The following FAM169A variants were observed in gnomAD, a reference collection of about 807,000 sequenced individuals.
The protein encoded by FAM169A is family with sequence similarity 169 member A, also known as soluble lamin-associated protein of 75 kDa.
FAM169A carries 24 observed loss-of-function variants against 75.7 expected under a neutral mutation model. That is an observed-to-expected ratio of 0.32 (90% CI 0.23 to 0.45). The LOEUF is 0.45. Among genes scored for constraint, FAM169A ranks in the 20% least tolerant of loss-of-function variants. The pLI is 1.00. For synonymous variants in FAM169A, 271 were observed against 271.0 expected (o/e 1.00, Z 0.00); for missense variants, 673 against 784.0 (o/e 0.86, Z 1.69).
chr5:74,833,815 G>C (rs922585178), intron 5 of FAM169A, among the ~76,000 whole-genome samples: 3 of 152,192 alleles, frequency 2.0e-5, no homozygotes, highest in African/African-American at 7.2e-5. Flanking sequence ...CTGCTCTAGG[G>C]AGCTGAATGA....
intron 1 of FAM169A, among the ~76,000 whole-genome samples, chr5:74,844,163 T>C (rs1259001068): frequency 6.6e-6 from 1 of 152,050 alleles, no homozygotes; most frequent in Non-Finnish European, 1.5e-5. Flanking sequence ...CTCTTGAAAA[T>C]TTCCATGACA....
chr5:74,852,769 T>A (rs1749509109), intron 1 of FAM169A, among the ~76,000 whole-genome samples: 1 of 151,978 alleles, frequency 6.6e-6, no homozygotes, highest in Non-Finnish European at 1.5e-5. Flanking sequence ...AATCCCAGAT[T>A]AAAGAATTTA....
Position 74,777,971 on chromosome 5 carries a change from G to C in FAM169A, c.*3489C>G, listed in dbSNP as rs1745205758. On this transcript the variant is annotated 3_prime_UTR_variant, in exon 13 of 13. Coordinates refer to ENST00000687041, the MANE Select transcript of FAM169A (RefSeq NM_001376049.1). Reference sequence around the variant, plus strand: ...AGGATGATACAATCACTTGATGACAGAAGGTAAGCCTTTCTTACAATTAGA... The same window carrying C: ...AGGATGATACAATCACTTGATGACACAAGGTAAGCCTTTCTTACAATTAGA... 6.6e-6 allele frequency: 1 copy of C among 152,004 alleles called. No homozygotes were observed. The highest frequency in any genetic ancestry group is 6.5e-5 in the Admixed American group (1 of 15,270). 9.4% of individuals were successfully genotyped at this position (152,004 alleles called of 1,614,324 possible).
chr5:74,845,239 C>G, intron 1 of FAM169A, among the ~76,000 whole-genome samples: 1 of 152,160 alleles, frequency 6.6e-6, no homozygotes. Context: ...CATGTACATG[C>G]CGGGTGCGGT....
At chr5:74,804,739 T>TCTC in intron 7 of FAM169A, 134 bp from the exon 8 acceptor site, 2 of 539,768 alleles carry the variant, frequency 3.7e-6, no homozygotes, top group Admixed American at 6.7e-5. Context: ...TGTGAGATGT[T>TCTC]CTCTTCACCA....
intron 10 of FAM169A, chr5:74,799,017 A>G: frequency 8.4e-7 from 1 of 1,192,766 alleles, no homozygotes; most frequent in Non-Finnish European, 1.2e-6. Context: ...AGTTTTTACT[A>G]GAGCCAATCA....
intron 11 of FAM169A, among the ~76,000 whole-genome samples, 154 bp from the exon 12 acceptor site, chr5:74,783,288 G>T (rs541678472): frequency 6.6e-6 from 1 of 152,170 alleles, no homozygotes; most frequent in Admixed American, 6.5e-5. Context: ...CTTACTGGGG[G>T]AAGGAGGAAA....
chr5:74,847,363 T>C (rs1209906491), intron 1 of FAM169A, among the ~76,000 whole-genome samples: 2 of 150,268 alleles, frequency 1.3e-5, no homozygotes, highest in African/African-American at 2.5e-5. Context: ...TCTAGGAACA[T>C]TTTAAGTGAA....
rs143153327 is a variant in FAM169A at position 74,789,142 on chromosome 5, G to A, written c.1261-6008C>T. 9.8e-4 allele frequency among the ~76,000 whole-genome samples: 150 copies of A among 152,338 alleles called. 1 individual carries two copies. Among genetic ancestry groups the A allele is most frequent in the Middle Eastern group, 3.4e-3 (1 of 294 alleles). On this transcript the variant is annotated intron_variant, in intron 11 of 12. Coordinates refer to ENST00000687041, the MANE Select transcript of FAM169A (RefSeq NM_001376049.1). The stretch of plus-strand genomic sequence containing the variant: ...TTTGTGTCATAACCTTGTTCAAAGA[G>A]ACCTTGATCGCTTTTCACTTCCACA...
At chr5:74,822,288 G>A (rs1250037912) in intron 5 of FAM169A, among the ~76,000 whole-genome samples, 1 of 152,188 alleles carries the variant, frequency 6.6e-6, no homozygotes, top group Non-Finnish European at 1.5e-5. Flanking sequence ...TTGACGCAAA[G>A]TCACAGGCAT....
At chr5:74,799,815 G>A (rs749637695) in intron 10 of FAM169A, 55 of 1,075,180 alleles carry the variant, frequency 5.1e-5, no homozygotes, top group East Asian at 1.7e-4. Context: ...CTTGAACTAC[G>A]ATGACCGTGG....
intron 5 of FAM169A, among the ~76,000 whole-genome samples, chr5:74,818,803 CTATA>C (rs58520219): frequency 0.024 from 2,958 of 121,496 alleles, 35 homozygotes; most frequent in Admixed American, 0.029. Context: ...CTCTCTCTCT[CTATA>C]TATATATATA....
At chr5:74,833,513 T>G (rs1005444292) in intron 5 of FAM169A, among the ~76,000 whole-genome samples, 2 of 152,208 alleles carry the variant, frequency 1.3e-5, no homozygotes, top group South Asian at 2.1e-4. Context: ...CTTCCTTTTA[T>G]GGACTATACG....
intron 10 of FAM169A, chr5:74,800,099 T>A (rs1056212595): frequency 1.6e-6 from 1 of 617,608 alleles, no homozygotes; most frequent in African/African-American, 1.8e-5. Flanking sequence ...GCCTCCGCCA[T>A]CCAGCGTGAC....
intron 11 of FAM169A, among the ~76,000 whole-genome samples, chr5:74,789,710 T>C (rs533087050): frequency 6.6e-6 from 1 of 152,304 alleles, no homozygotes; most frequent in African/African-American, 2.4e-5. Flanking sequence ...CTCTAGGATT[T>C]TGGAGCAAGG....
intron 11 of FAM169A, among the ~76,000 whole-genome samples, chr5:74,792,232 G>C (rs932067959): frequency 2.6e-5 from 4 of 152,182 alleles, no homozygotes; most frequent in African/African-American, 9.7e-5. Flanking sequence ...CAACTTGATT[G>C]GATTGAAGGA....
chr5:74,842,455 A>T (rs1344638886), intron 1 of FAM169A, among the ~76,000 whole-genome samples: 1 of 137,126 alleles, frequency 7.3e-6, no homozygotes, highest in African/African-American at 2.8e-5. Flanking sequence ...AAAAAAAAAA[A>T]ATCACTGAAT....
At chr5:74,849,939 G>C (rs927774114) in intron 1 of FAM169A, among the ~76,000 whole-genome samples, 2 of 152,148 alleles carry the variant, frequency 1.3e-5, no homozygotes, top group Non-Finnish European at 2.9e-5. Context: ...AATTATGTAT[G>C]GGTTAGGACG....
chr5:74,810,224 A>G (rs1034187603), intron 6 of FAM169A, among the ~76,000 whole-genome samples: 1 of 152,210 alleles, frequency 6.6e-6, no homozygotes, highest in Non-Finnish European at 1.5e-5. Context: ...TAGAGATACC[A>G]TATATTTCCA....
Sources: allele counts gnomAD v4.1 joint callset (sites outside exome capture counted in the v4.1 genomes callset), GRCh38; gene constraint gnomAD v4.1.1; transcripts MANE v1.5; gene names NCBI Gene and HGNC (gene_info 2026-07-23, HGNC 2026-07-21).